The following NAT16 variants were observed in gnomAD, a reference collection of about 807,000 sequenced individuals.
NAT16 encodes the protein N-acetyltransferase 16 (putative), also known as probable N-acetyltransferase 16.
NAT16 carries 16 observed loss-of-function variants against 15.9 expected under a neutral mutation model. The ratio of observed to expected loss-of-function variants is 1.01; its 90% confidence interval spans 0.68 to 1.53. The LOEUF (loss-of-function observed/expected upper bound fraction) is 1.53. Among genes scored for constraint, NAT16 ranks in the 40% most tolerant of loss-of-function variants. NAT16 has a pLI of 0.00. For synonymous variants in NAT16, 260 were observed against 241.9 expected (o/e 1.07, Z -0.69); for missense variants, 572 against 508.4 (o/e 1.13, Z -1.20).
At position 101,180,033 on chromosome 7, in the gene NAT16, C is replaced by T. The variant is rs1309611403; in HGVS notation, c.-5+9G>A. On this transcript the variant is annotated intron_variant, in intron 1 of 3. Transcript: ENST00000300303. Reference sequence around the variant, plus strand: ...CCTCCCCAGTCCCCAGGCCCGGCCGCCCCCCTACCTCGCCGGAGCCGGAGC... The same window carrying T: ...CCTCCCCAGTCCCCAGGCCCGGCCGTCCCCCTACCTCGCCGGAGCCGGAGC... 1 of 153,144 alleles carries T rather than the reference C, an allele frequency of 6.5e-6. No homozygotes were observed. The highest frequency in any genetic ancestry group is 2.4e-5 in the African/African-American group (1 of 41,442). The allele number at this position is 153,144 out of a possible 1,614,324, so 9.5% of individuals were successfully genotyped here. A position where few individuals can be genotyped will look rare whatever the true frequency, so the allele number is the denominator to read the frequency against.
At chr7:101,177,016 G>C (rs186638307) in intron 1 of NAT16, among the ~76,000 whole-genome samples, 3 of 152,160 alleles carry the variant, frequency 2.0e-5, no homozygotes, top group African/African-American at 7.2e-5. Flanking sequence ...AACGCGGTAT[G>C]CTTGCTATAC....
chr7:101,178,443 C>T (rs1162922401), intron 1 of NAT16, among the ~76,000 whole-genome samples: 2 of 152,130 alleles, frequency 1.3e-5, no homozygotes, highest in African/African-American at 4.8e-5. Context: ...CAGTCCAGCA[C>T]CCTCCAGCCT....
intron 1 of NAT16, among the ~76,000 whole-genome samples, chr7:101,177,926 C>G (rs2116734464): frequency 6.6e-6 from 1 of 152,288 alleles, no homozygotes; most frequent in South Asian, 2.1e-4. Context: ...CAAGTTAGCT[C>G]CTGACTCCAT....
rs555118087 is a variant in NAT16 at position 101,174,747 on chromosome 7, T to C, written c.61A>G (p.Thr21Ala). The change falls in exon 2 of 4, where the codon ACT (threonine) becomes GCT (alanine). Residue 21 changes from threonine (T) to alanine (A), a missense_variant. Thr to Ala is a moderately conservative substitution (Grantham distance 58, BLOSUM62 0). Coordinates refer to ENST00000300303, the MANE Select transcript of NAT16 (RefSeq NM_198571.3). ...TSEVPKPEKK[T>A]ARDAEPSSET... ...GAGCTTGGCTCTGCATCTCGGGCAG[T>C]CTTCTTTTCCGGCTTAGGGACCTCT... 3.4e-5 allele frequency: 54 copies of C among 1,607,422 alleles called. No homozygotes were observed. Among genetic ancestry groups the C allele is most frequent in the Admixed American group, 2.2e-4 (13 of 59,950 alleles).
At position 101,172,254 on chromosome 7, in the gene NAT16, T is replaced by C; in HGVS notation, c.935A>G (p.Gln312Arg). The change falls in exon 4 of 4, where the codon CAG becomes CGG. Residue 312 changes from glutamine to arginine, a missense_variant. Coordinates refer to ENST00000300303, the MANE Select transcript of NAT16 (RefSeq NM_198571.3). This position sits in a 1 kb window ranked among gnomAD's most constrained non-coding sequence, Gnocchi z 4.2. ...CTGGCGCTGCAGGTGCCACAGCAGC[T>C]GGCTCTGCACCTGCGCGCCGTCGCT... ...FGSDGAQVQS[Q>R]LLWHLQRQAP... The C allele has an allele frequency of 6.2e-7, 1 of 1,613,186 alleles. No individual in the cohort carries two copies. The highest frequency in any genetic ancestry group is 8.5e-7 in the Non-Finnish European group (1 of 1,179,762).
In NAT16 at chr7:101,171,956, G is replaced by A; in HGVS notation, c.*123C>T. 3.0e-6 allele frequency: 2 copies of A among 674,400 alleles called. No individual in the cohort carries two copies. Among genetic ancestry groups the A allele is most frequent in the Non-Finnish European group, 5.2e-6 (2 of 387,610 alleles). The allele number at this position is 674,400 out of a possible 1,614,324, so 41.8% of individuals were successfully genotyped here. A position where few individuals can be genotyped will look rare whatever the true frequency, so the allele number is the denominator to read the frequency against. On this transcript the variant is annotated 3_prime_UTR_variant, in exon 4 of 4. Transcript: ENST00000300303. ...GGGGGACCTGCGCCGGTAAGGGCAGGAGGGCAGGAGTCAGAGGGGACTTCC... is the reference window on the plus strand; with the variant it reads ...GGGGGACCTGCGCCGGTAAGGGCAGAAGGGCAGGAGTCAGAGGGGACTTCC...
In NAT16 at chr7:101,174,565, A is replaced by G; in HGVS notation, c.243T>C (p.Pro81=). The G allele has an allele frequency of 6.2e-7, 1 of 1,613,728 alleles. No individual in the cohort carries two copies. The highest frequency in any genetic ancestry group is 8.5e-7 in the Non-Finnish European group (1 of 1,179,862). ...GGIYGGLDYL[P]SRYHSWLRDP... ...CCCGGAGCCAGCTGTGGTAGCGGCT[A>G]GGAAGGTAGTCCAGGCCGCCGTAGA... Residue 81 remains proline, a synonymous_variant, in exon 2 of 4, where the codon CCT becomes CCC. Coordinates refer to ENST00000300303, the MANE Select transcript of NAT16 (RefSeq NM_198571.3).
At chr7:101,176,053 A>G (rs1797457956) in intron 1 of NAT16, among the ~76,000 whole-genome samples, 1 of 152,144 alleles carries the variant, frequency 6.6e-6, no homozygotes, top group African/African-American at 2.4e-5. Context: ...AGAACAGTGG[A>G]GGGCTCACCC....
At chr7:101,178,340 C>T (rs1013886319) in intron 1 of NAT16, among the ~76,000 whole-genome samples, 14 of 150,680 alleles carry the variant, frequency 9.3e-5, no homozygotes, top group Middle Eastern at 3.4e-3. Context: ...TTGGAGGAGG[C>T]GAGTAATAAA....
Position 101,173,333 on chromosome 7 carries a change from G to T in NAT16, c.500C>A (p.Pro167His), listed in dbSNP as rs774671784. ...TAGGCGGTATTTCTTCAGCTCCCGG[G>T]GGCCCAGCTGGTCGTCCCGGGTGAG... is the stretch of plus-strand genomic sequence containing the variant. The part of the protein sequence containing the change: ...ARLTRDDQLG[P>H]RELKKYRLIT... The change falls in exon 3 of 4, where the codon CCC becomes CAC. Residue 167 changes from proline (P) to histidine (H), a missense_variant. Transcript: ENST00000300303. 6.2e-7 allele frequency: 1 copy of T among 1,614,048 alleles called. No individual in the cohort carries two copies. Among genetic ancestry groups the T allele is most frequent in the Admixed American group, 1.7e-5 (1 of 60,022 alleles).
At chr7:101,175,015 C>G (rs1379071418) in intron 1 of NAT16, among the ~76,000 whole-genome samples, 1 of 152,072 alleles carries the variant, frequency 6.6e-6, no homozygotes, top group Non-Finnish European at 1.5e-5. Flanking sequence ...AGTGCAGTGG[C>G]GCGATCTCGG....
intron 3 of NAT16, 52 bp downstream of exon 3, chr7:101,173,228 GGTGGGGAGGGTCTCCC>G: frequency 7.4e-7 from 1 of 1,350,636 alleles, no homozygotes; most frequent in Non-Finnish European, 1.1e-6. Flanking sequence ...TTCTGCTGGG[GGTGGGGAGGGTCTCCC>G]CATATGCCCC....
chr7:101,173,226 G>A (rs976980354), intron 3 of NAT16, 70 bp downstream of exon 3: 1 of 1,344,334 alleles, frequency 7.4e-7, no homozygotes, highest in African/African-American at 1.4e-5. Flanking sequence ...TGTTCTGCTG[G>A]GGGTGGGGAG....
chr7:101,172,705 C>T lies in NAT16; in HGVS notation c.538-54G>A. ...GGGGGGGCGCAGCAGGGCTGGCGAG[C>T]CCGGCGCCTCTCGGCAGGCATCTTC... On this transcript the variant is annotated intron_variant, in intron 3 of 3. Coordinates refer to ENST00000300303, the MANE Select transcript of NAT16 (RefSeq NM_198571.3). This position sits in a 1 kb window ranked among gnomAD's most constrained non-coding sequence, Gnocchi z 4.2. 7.4e-7 allele frequency: 1 copy of T among 1,354,020 alleles called. No individual in the cohort carries two copies. The highest frequency in any genetic ancestry group is 9.6e-7 in the Non-Finnish European group (1 of 1,038,412). The allele number at this position is 1,354,020 out of a possible 1,614,324, so 83.9% of individuals were successfully genotyped here.
chr7:101,173,560 G>T (rs1797394373), intron 2 of NAT16, 40 bp from the exon 3 acceptor site: 1 of 1,495,052 alleles, frequency 6.7e-7, no homozygotes, highest in Admixed American at 2.1e-5. Flanking sequence ...CTCCCCGCCT[G>T]CGCCCCTGCC....
intron 3 of NAT16, 38 bp downstream of exon 3, chr7:101,173,250 GCCCCAGCA>G: frequency 6.6e-7 from 1 of 1,526,186 alleles, no homozygotes; most frequent in Non-Finnish European, 9.1e-7. Flanking sequence ...CTCCCCATAT[GCCCCAGCA>G]GAGAGGCCCA....
At position 101,172,655 on chromosome 7, in the gene NAT16, C is replaced by A. The variant is rs534596351; in HGVS notation, c.538-4G>T. 2 of 1,498,094 alleles carry A rather than the reference C, an allele frequency of 1.3e-6. No homozygotes were observed. The highest frequency in any genetic ancestry group is 1.8e-6 in the Non-Finnish European group (2 of 1,134,010). 92.8% of individuals were successfully genotyped at this position (1,498,094 alleles called of 1,614,324 possible). On this transcript the variant is annotated splice_polypyrimidine_tract_variant and splice_region_variant and intron_variant, in intron 3 of 3. Coordinates refer to ENST00000300303, the MANE Select transcript of NAT16 (RefSeq NM_198571.3). The surrounding 1 kb of genome is among the most constrained non-coding windows in gnomAD (Gnocchi z 4.2). ...TGAATCGGACCAAAAGGATGCCCTG[C>A]GGGGGGCACGAGTGAGCGCGGGGAG...
At chr7:101,178,558 A>G (rs996624796) in intron 1 of NAT16, among the ~76,000 whole-genome samples, 4 of 152,024 alleles carry the variant, frequency 2.6e-5, no homozygotes, top group African/African-American at 9.6e-5. Flanking sequence ...CTCCTGGACC[A>G]AGCGCCCTCC....
Position 101,173,500 on chromosome 7 carries a change from G to T in NAT16, c.333C>A (p.Asn111Lys), listed in dbSNP as rs544430736. Reference protein sequence around the residue: ...NGGVIALESVNVIDAGETVLV... With the variant: ...NGGVIALESVKVIDAGETVLV... ...GCACCGTCTCCCCGGCGTCGATCAC[G>T]TTCACCGACTCCAGCGCGATCTGCG... The change falls in exon 3 of 4, where the codon AAC (asparagine) becomes AAA (lysine). Residue 111 changes from asparagine to lysine, a missense_variant. Asn to Lys is a moderately conservative substitution (Grantham distance 94). Transcript: ENST00000300303. 2 of 1,602,986 alleles carry T rather than the reference G, an allele frequency of 1.2e-6. No individual in the cohort carries two copies. Among genetic ancestry groups the T allele is most frequent in the South Asian group, 2.2e-5 (2 of 90,606 alleles).
Sources: allele counts gnomAD v4.1 joint callset (sites outside exome capture counted in the v4.1 genomes callset), GRCh38; gene constraint gnomAD v4.1.1; non-coding constraint Gnocchi (gnomAD v3.1); transcripts MANE v1.5; gene names NCBI Gene and HGNC (gene_info 2026-07-23, HGNC 2026-07-21).